The following ASTN2 variants were observed in gnomAD, a reference collection of about 807,000 sequenced individuals.
ASTN2 encodes the protein astrotactin-2.
A neutral mutation model predicts 139.8 loss-of-function variants in ASTN2; 54 were observed. That is an observed-to-expected ratio of 0.39 (90% CI 0.31 to 0.48). ASTN2 has a LOEUF of 0.48. ASTN2 is among the 20% of genes least tolerant of loss of function. ASTN2 has a pLI of 0.95. For missense variants in ASTN2, 1,565 were observed against 1,725.1 expected, an observed-to-expected ratio of 0.91 and a Z score of 1.64; for synonymous variants, 756 against 719.5, an observed-to-expected ratio of 1.05 and a Z score of -0.81.
At chr9:116,478,344 A>T (rs888564205) in intron 20 of ASTN2, among the ~76,000 whole-genome samples, 4 of 152,098 alleles carry the variant, frequency 2.6e-5, no homozygotes, top group African/African-American at 9.7e-5. Flanking sequence ...AAATAAGGAA[A>T]GAAAAGTTCA....
chr9:116,918,214 T>A (rs1200309280), intron 10 of ASTN2, among the ~76,000 whole-genome samples: 1 of 152,182 alleles, frequency 6.6e-6, no homozygotes, highest in Admixed American at 6.5e-5. Flanking sequence ...TATGGACTGA[T>A]ACAGTACCCC....
chr9:116,508,656 G>T lies in ASTN2; in HGVS notation c.3356-21156C>A, dbSNP rs796239056. ...CAGATGATTTTAGTTTTGCCTTATA[G>T]ATGAGGCAAGTTGGGTATCAGAGAG... On this transcript the variant is annotated intron_variant, in intron 19 of 22. Coordinates refer to ENST00000313400, the MANE Select transcript of ASTN2 (RefSeq NM_001365068.1). Among the ~76,000 whole-genome samples, 16 of 152,268 alleles carry T rather than the reference G, an allele frequency of 1.1e-4. 2 individuals carry two copies. Among genetic ancestry groups the T allele is most frequent in the African/African-American group, 3.6e-4 (15 of 41,558 alleles).
intron 17 of ASTN2, among the ~76,000 whole-genome samples, chr9:116,639,332 T>G (rs952920954): frequency 6.6e-6 from 1 of 152,326 alleles, no homozygotes; most frequent in South Asian, 2.1e-4. Context: ...ATGATGTAAC[T>G]CTGTCACCTA....
intron 1 of ASTN2, among the ~76,000 whole-genome samples, chr9:117,404,340 T>C (rs1830920722): frequency 6.6e-6 from 1 of 152,148 alleles, no homozygotes. Flanking sequence ...CTAGCAAAAG[T>C]CTCACTCTAG....
At chr9:116,802,388 G>A (rs1245166595) in intron 13 of ASTN2, among the ~76,000 whole-genome samples, 1 of 152,076 alleles carries the variant, frequency 6.6e-6, no homozygotes, top group Non-Finnish European at 1.5e-5. Flanking sequence ...AACCAGCGGT[G>A]CCATGCTCTT....
intron 10 of ASTN2, among the ~76,000 whole-genome samples, chr9:116,953,350 C>T (rs1444797895): frequency 1.3e-5 from 2 of 152,196 alleles, no homozygotes; most frequent in Non-Finnish European, 2.9e-5. Context: ...TTTCCCACTG[C>T]AAATTGTTTT....
At chr9:117,160,174 A>G (rs1830516062) in intron 3 of ASTN2, among the ~76,000 whole-genome samples, 1 of 152,018 alleles carries the variant, frequency 6.6e-6, no homozygotes, top group African/African-American at 2.4e-5. Context: ...ATGGGGAGTG[A>G]ATATTTGCCG....
intron 13 of ASTN2, among the ~76,000 whole-genome samples, chr9:116,802,389 C>T (rs1830888143): frequency 6.6e-6 from 1 of 152,092 alleles, no homozygotes; most frequent in Non-Finnish European, 1.5e-5. Context: ...ACCAGCGGTG[C>T]CATGCTCTTT....
At chr9:116,937,360 C>A (rs984887186) in intron 10 of ASTN2, among the ~76,000 whole-genome samples, 2 of 152,132 alleles carry the variant, frequency 1.3e-5, no homozygotes, top group African/African-American at 4.8e-5. Flanking sequence ...CTGCCTGCTC[C>A]TGAACATGTT....
rs75231776 is a variant in ASTN2 at position 117,178,235 on chromosome 9, T to A, written c.1015+36123A>T. On this transcript the variant is annotated intron_variant, in intron 3 of 22. Coordinates refer to ENST00000313400, the MANE Select transcript of ASTN2 (RefSeq NM_001365068.1). ...AATGCATTCATGTAACAAATGTCCA[T>A]GCTCTCCACTAGAATGAAAGCTCCA... 9.1e-4 allele frequency among the ~76,000 whole-genome samples: 139 copies of A among 152,308 alleles called. 2 individuals are homozygous for A. The East Asian group carries it at 0.025, about 27-fold the overall frequency.
At chr9:117,251,632 G>A (rs1335417) in intron 2 of ASTN2, among the ~76,000 whole-genome samples, 144,909 of 152,296 alleles carry the variant, frequency 0.95, 69,166 homozygotes, top group East Asian at 1. Context: ...TTATATTTCT[G>A]TGAGTGATGG....
chr9:116,995,482 G>A (rs1235503725), intron 7 of ASTN2, among the ~76,000 whole-genome samples: 2 of 152,308 alleles, frequency 1.3e-5, no homozygotes, highest in East Asian at 1.9e-4. Context: ...AACATCAACA[G>A]TGTGTTAGAC....
chr9:117,045,257 C>CAAAAAA (rs56993648), intron 5 of ASTN2, among the ~76,000 whole-genome samples: 1 of 131,644 alleles, frequency 7.6e-6, no homozygotes, highest in African/African-American at 2.9e-5. Context: ...ATGTAATTAG[C>CAAAAAA]AAAAAAAAAA....
chr9:116,523,824 C>T (rs1398121456), intron 19 of ASTN2, among the ~76,000 whole-genome samples: 1 of 152,138 alleles, frequency 6.6e-6, no homozygotes, highest in Non-Finnish European at 1.5e-5. Flanking sequence ...GGCCTTACTT[C>T]ACAAATTATT....
In ASTN2 at chr9:116,676,724, T is replaced by C. The variant is rs187435820; in HGVS notation, c.2807-24931A>G. Reference sequence around the variant, plus strand: ...AAGCAATAGAAACTGCTCAATGCTGTACAGCTCAGTAGCCAAGGCTTTATC... The same window carrying C: ...AAGCAATAGAAACTGCTCAATGCTGCACAGCTCAGTAGCCAAGGCTTTATC... On this transcript the variant is annotated intron_variant, in intron 16 of 22. Transcript: ENST00000313400. 7.9e-5 allele frequency among the ~76,000 whole-genome samples: 12 copies of C among 152,356 alleles called. No individual in the cohort carries two copies. In the East Asian group the frequency reaches 1.5e-3, roughly 20 times the overall value.
rs149544901 is a variant in ASTN2, at chr9:116,430,509, G to A, written c.3783-4421C>T. Among the ~76,000 whole-genome samples, 46 of 152,298 alleles carry A rather than the reference G, an allele frequency of 3.0e-4. No individual in the cohort carries two copies. In the East Asian group the frequency reaches 8.7e-3, roughly 29 times the overall value. On this transcript the variant is annotated intron_variant, in intron 22 of 22. Transcript: ENST00000313400. ...GAGGATGAGATAATAAGGAAAATTT[G>A]CTTAGCTCTAAGTAAGTGTCAGCAA...
intron 20 of ASTN2, among the ~76,000 whole-genome samples, chr9:116,479,945 G>T (rs4837561): frequency 0.81 from 122,894 of 152,090 alleles, 49,623 homozygotes; most frequent in Admixed American, 0.84. Flanking sequence ...GCTTTGTGGC[G>T]GTAGTCAAGT....
In ASTN2 at chr9:116,958,502, T is replaced by C. The variant is rs186335029; in HGVS notation, c.1889+16706A>G. On this transcript the variant is annotated intron_variant, in intron 10 of 22. Coordinates refer to ENST00000313400, the MANE Select transcript of ASTN2 (RefSeq NM_001365068.1). ...TACTCAGGAAGCTGAGGCAGAAGAA[T>C]GGCATGAACCCGGGAGGTGGAGCTT... 4.6e-5 allele frequency among the ~76,000 whole-genome samples: 7 copies of C among 152,098 alleles called. No homozygotes were observed. In the East Asian group the frequency reaches 5.8e-4, roughly 13 times the overall value.
intron 2 of ASTN2, among the ~76,000 whole-genome samples, chr9:117,225,559 A>G (rs867112434): frequency 0.023 from 2,748 of 118,996 alleles, 426 homozygotes; most frequent in African/African-American, 0.072. Context: ...ATATATATAT[A>G]TATATATATA....
Sources: gnomAD v4.1 joint callset for allele counts (sites outside exome capture counted in the v4.1 genomes callset) on GRCh38, gnomAD v4.1.1 for gene constraint, MANE v1.5 for transcripts, NCBI Gene and HGNC (gene_info 2026-07-23, HGNC 2026-07-21) for gene names.